Variants in ARL10 observed in about 807,000 individuals in gnomAD.
ARL10 encodes ADP-ribosylation factor-like protein 10.
In ARL10, 23 loss-of-function variants were observed where a neutral mutation model predicts 26.1. That is an observed-to-expected ratio of 0.88 (90% CI 0.63 to 1.25). ARL10 has a LOEUF of 1.25. Among genes scored for constraint, ARL10 ranks in the 50% most tolerant of loss-of-function variants. The pLI is 0.00. For synonymous variants in ARL10, 138 were observed against 149.1 expected (o/e 0.93, Z 0.54); for missense variants, 300 against 323.6 (o/e 0.93, Z 0.56).
downstream of ARL10, chr5:176,402,014 CA>C (rs1756844368): frequency 1.3e-5 from 4 of 314,284 alleles, no homozygotes; most frequent in African/African-American, 8.7e-5. Context: ...TTAAAATATC[CA>C]AAGGCAGCCG....
At position 176,371,741 on chromosome 5, in the gene ARL10, G is replaced by A. The variant is rs1561774211; in HGVS notation, c.581G>A (p.Ser194Asn). Residue 194 changes from serine (S) to asparagine (N), a missense_variant, in exon 4 of 4, where the codon AGT (serine) becomes AAT (asparagine). Transcript: ENST00000310389. ...ACCCAGGACCTGAGCGAGGCCATGA[G>A]TATGGGGGAGCTGCAGCGGGAGCTG... is the stretch of plus-strand genomic sequence containing the variant. The part of the protein sequence containing the change: ...ANKQDLSEAM[S>N]MGELQRELGL... 4 of 1,614,112 alleles carry A rather than the reference G, an allele frequency of 2.5e-6. No individual in the cohort carries two copies. The highest frequency in any genetic ancestry group is 2.5e-6 in the Non-Finnish European group (3 of 1,180,040).
intron 1 of ARL10, among the ~76,000 whole-genome samples, chr5:176,397,023 C>G (rs1174807126): frequency 6.6e-6 from 1 of 152,148 alleles, no homozygotes; most frequent in East Asian, 1.9e-4. Flanking sequence ...CTCTCCCTGA[C>G]CTGTTTCCTT....
At chr5:176,413,383 A>G in the ARL10 span, among the ~76,000 whole-genome samples, 3 of 152,250 alleles carry the variant, frequency 2.0e-5, no homozygotes, top group African/African-American at 7.2e-5. Flanking sequence ...CCTGGTGCTC[A>G]GAAAACTGGG....
chr5:176,397,699 C>T (rs761775673), intron 1 of ARL10: 74 of 1,613,862 alleles, frequency 4.6e-5, no homozygotes, highest in Non-Finnish European at 5.6e-5. Context: ...ATTCCTGTTC[C>T]GTGACCTTAG....
the ARL10 span, among the ~76,000 whole-genome samples, chr5:176,415,019 T>C: frequency 3.9e-5 from 6 of 152,194 alleles, no homozygotes; most frequent in African/African-American, 1.4e-4. Flanking sequence ...CCCATAAACC[T>C]TTCCAAAATG....
chr5:176,390,845 T>G (rs1036777407), downstream of ARL10, among the ~76,000 whole-genome samples: 1 of 152,112 alleles, frequency 6.6e-6, no homozygotes, highest in Admixed American at 6.5e-5. Flanking sequence ...TCTCCAGAGA[T>G]TTGTGTACAT....
chr5:176,371,128 A>G (rs1013392309), intron 3 of ARL10, among the ~76,000 whole-genome samples: 1 of 152,078 alleles, frequency 6.6e-6, no homozygotes, highest in African/African-American at 2.4e-5. Context: ...TAATCCCAGC[A>G]CTTTGGGAGG....
chr5:176,411,819 T>C, the ARL10 span, among the ~76,000 whole-genome samples: 3 of 152,172 alleles, frequency 2.0e-5, no homozygotes, highest in Admixed American at 1.3e-4. Flanking sequence ...TAAATTCTGG[T>C]TTCCTCCTTC....
intron 1 of ARL10, chr5:176,388,176 G>A: frequency 7.7e-7 from 1 of 1,300,802 alleles, no homozygotes; most frequent in Non-Finnish European, 1.1e-6. Flanking sequence ...TGACACCTAG[G>A]TCAGTATGGC....
In ARL10 at chr5:176,365,629, G is replaced by T; in HGVS notation, c.66G>T (p.Ser22=). The change falls in exon 1 of 4, where the codon TCG becomes TCT. Residue 22 remains serine (S), a synonymous_variant. Coordinates refer to ENST00000310389, the MANE Select transcript of ARL10 (RefSeq NM_173664.6). The stretch of plus-strand genomic sequence containing the variant: ...GCGGCGCCGCGGCGGTGCTGGGCTC[G>T]GTGCTCTTCATCCTCTGGAAGACCT... ...ALGGAAAVLG[S]VLFILWKTYF... is the part of the protein sequence containing the mutation. 1 of 1,260,934 alleles carries T rather than the reference G, an allele frequency of 7.9e-7. No individual in the cohort carries two copies. The allele number at this position is 1,260,934 out of a possible 1,614,324, so 78.1% of individuals were successfully genotyped here.
intron 3 of ARL10, among the ~76,000 whole-genome samples, chr5:176,371,233 G>C (rs1006347063): frequency 3.9e-5 from 6 of 152,168 alleles, no homozygotes; most frequent in Admixed American, 1.3e-4. Flanking sequence ...AAATTAGCCA[G>C]GCGTGGTGGC....
chr5:176,399,631 C>T (rs186390947), intron 1 of ARL10, among the ~76,000 whole-genome samples: 79 of 152,148 alleles, frequency 5.2e-4, no homozygotes, highest in African/African-American at 1.7e-3. Context: ...CGGTGGCTCA[C>T]GCCTGTAATT....
downstream of ARL10, chr5:176,385,382 C>T (rs1755760187): frequency 2.8e-6 from 3 of 1,083,266 alleles, no homozygotes; most frequent in Middle Eastern, 4.2e-4. Context: ...TTTCTGTGCT[C>T]TTTGAGCTGT....
At chr5:176,408,541 A>G in the ARL10 span, among the ~76,000 whole-genome samples, 1 of 145,980 alleles carries the variant, frequency 6.9e-6, no homozygotes, top group African/African-American at 2.6e-5. Context: ...CATCTCAGGA[A>G]AAAAAAAAAA....
chr5:176,401,816 T>A, exon 2 of ARL10: 2 of 454,570 alleles, frequency 4.4e-6, no homozygotes, highest in Non-Finnish European at 4.4e-6. Flanking sequence ...CGTCCTTGAT[T>A]TCTCCTTCCT....
downstream of ARL10, chr5:176,385,447 G>A (rs1755766705): frequency 3.1e-6 from 2 of 649,734 alleles, no homozygotes. Flanking sequence ...CCAACCACCT[G>A]GGGGTCTTTG....
chr5:176,366,459 C>T lies in ARL10; in HGVS notation c.263C>T (p.Ala88Val). The T allele has an allele frequency of 6.2e-7, 1 of 1,613,816 alleles. No individual in the cohort carries two copies. The highest frequency in any genetic ancestry group is 8.5e-7 in the Non-Finnish European group (1 of 1,180,010). Residue 88 changes from alanine (A) to valine (V), a missense_variant, in exon 2 of 4, where the codon GCA (alanine) becomes GTA (valine). Physicochemically the swap from Ala to Val is moderately conservative, Grantham distance 64 (BLOSUM62 0). Coordinates refer to ENST00000310389, the MANE Select transcript of ARL10 (RefSeq NM_173664.6). ...REVLVLGLDGAGKSTFLRVLS... is the reference protein window; with the variant it reads ...REVLVLGLDGVGKSTFLRVLS... Reference sequence around the variant, plus strand: ...GTGCTGGTGCTGGGGCTGGATGGCGCAGGCAAGAGCACGTTCCTGCGCGTG... The same window carrying T: ...GTGCTGGTGCTGGGGCTGGATGGCGTAGGCAAGAGCACGTTCCTGCGCGTG...
At chr5:176,401,752 A>G (rs1406970836) in exon 2 of ARL10, 1 of 456,182 alleles carries the variant, frequency 2.2e-6, no homozygotes, top group Non-Finnish European at 4.4e-6. Context: ...TGTTAAAATG[A>G]AAACAGCGAC....
rs1208772788 is a variant in ARL10, at chr5:176,377,349, A to T, written c.*5454A>T. 3 of 152,188 alleles carry T rather than the reference A, an allele frequency of 2.0e-5. No individual in the cohort carries two copies. Among genetic ancestry groups the T allele is most frequent in the Non-Finnish European group, 2.9e-5 (2 of 68,032 alleles). The allele number at this position is 152,188 out of a possible 1,614,324, so 9.4% of individuals were successfully genotyped here. A position where few individuals can be genotyped will look rare whatever the true frequency, so the allele number is the denominator to read the frequency against. On this transcript the variant is annotated 3_prime_UTR_variant, in exon 4 of 4. Transcript: ENST00000310389. The surrounding 1 kb of genome is among the most constrained non-coding windows in gnomAD (Gnocchi z 4.5). ...AGTACCACTGTGTTTCTAACACTTTATTTAGCTGCTTCATAGTTTGTCCAA... is the reference window on the plus strand; with the variant it reads ...AGTACCACTGTGTTTCTAACACTTTTTTTAGCTGCTTCATAGTTTGTCCAA...
Sources: allele counts gnomAD v4.1 joint callset (sites outside exome capture counted in the v4.1 genomes callset), GRCh38; gene constraint gnomAD v4.1.1; non-coding constraint Gnocchi (gnomAD v3.1); transcripts MANE v1.5; gene names NCBI Gene and HGNC (gene_info 2026-07-23, HGNC 2026-07-21).